The following WBP1L variants were observed in gnomAD, a reference collection of about 807,000 sequenced individuals.
The protein encoded by WBP1L is WW domain binding protein 1 like.
WBP1L carries 17 observed loss-of-function variants against 33.7 expected under a neutral mutation model. The ratio of observed to expected loss-of-function variants is 0.50; its 90% CI spans 0.34 to 0.76. The LOEUF is 0.76. Among genes scored for constraint, WBP1L ranks in the 30% least tolerant of loss-of-function variants. The pLI is 0.01. For synonymous variants in WBP1L, 173 were observed against 190.8 expected, an observed-to-expected ratio of 0.91 and a Z score of 0.77; for missense variants, 389 against 469.4, an observed-to-expected ratio of 0.83 and a Z score of 1.58.
intron 2 of WBP1L, among the ~76,000 whole-genome samples, chr10:102,808,514 C>T (rs763756599): frequency 8.2e-5 from 12 of 145,812 alleles, no homozygotes; most frequent in Non-Finnish European, 1.4e-4. Flanking sequence ...TGTTCCGCCA[C>T]CCTTCCCTGG....
At chr10:102,786,062 T>C (rs1843411282) in intron 1 of WBP1L, among the ~76,000 whole-genome samples, 2 of 152,330 alleles carry the variant, frequency 1.3e-5, no homozygotes, top group Middle Eastern at 3.4e-3. Flanking sequence ...AGGTTCCTAA[T>C]AGCAACACAG....
rs284854 is a variant in WBP1L at position 102,814,805 on chromosome 10, T to G, written c.*1474T>G. 76,522 of 152,266 alleles carry G rather than the reference T, an allele frequency of 0.5. 20,014 individuals carry two copies. The highest frequency in any genetic ancestry group is 0.59 in the Middle Eastern group (173 of 294). The allele number at this position is 152,266 out of a possible 1,614,324, so 9.4% of individuals were successfully genotyped here. On this transcript the variant is annotated 3_prime_UTR_variant, in exon 4 of 4. Coordinates refer to ENST00000448841, the MANE Select transcript of WBP1L (RefSeq NM_001083913.2). The stretch of plus-strand genomic sequence containing the variant: ...CACCCGGCCCTGTGCATATGAAGTC[T>G]TTCTTCCCCCAACTCTTGAACGATG...
At chr10:102,780,481 A>G (rs1392041781) in intron 1 of WBP1L, among the ~76,000 whole-genome samples, 4 of 152,188 alleles carry the variant, frequency 2.6e-5, no homozygotes, top group Non-Finnish European at 5.9e-5. Flanking sequence ...AACGAATTCT[A>G]TTTCATGTTT....
At chr10:102,771,487 G>A (rs934578488) in intron 1 of WBP1L, among the ~76,000 whole-genome samples, 3 of 151,992 alleles carry the variant, frequency 2.0e-5, no homozygotes, top group African/African-American at 7.2e-5. Context: ...GGGCAACATA[G>A]GAAGCCCTCA....
chr10:102,774,974 G>A (rs1465912773), intron 1 of WBP1L, among the ~76,000 whole-genome samples: 2 of 151,910 alleles, frequency 1.3e-5, no homozygotes, highest in Admixed American at 1.3e-4. Context: ...AATTAGCTGC[G>A]CATGGTAGCA....
At position 102,814,738 on chromosome 10, in the gene WBP1L, A is replaced by C. The variant is rs1843905490; in HGVS notation, c.*1407A>C. 6.6e-6 allele frequency: 1 copy of C among 152,194 alleles called. No homozygotes were observed. The highest frequency in any genetic ancestry group is 2.4e-5 in the African/African-American group (1 of 41,288). The allele number at this position is 152,194 out of a possible 1,614,324, so 9.4% of individuals were successfully genotyped here. On this transcript the variant is annotated 3_prime_UTR_variant, in exon 4 of 4. Transcript: ENST00000448841. Reference sequence around the variant, plus strand: ...GGTCACCAGCTGAGCTGCGATAGGAAAATCTGAATGGAGGCAGCAAACAGC... The same window carrying C: ...GGTCACCAGCTGAGCTGCGATAGGACAATCTGAATGGAGGCAGCAAACAGC...
chr10:102,752,510 A>G (rs1842934240), intron 1 of WBP1L, among the ~76,000 whole-genome samples: 1 of 152,200 alleles, frequency 6.6e-6, no homozygotes, highest in Non-Finnish European at 1.5e-5. Context: ...TTTGTGATTC[A>G]GTAAGCAGGT....
intron 1 of WBP1L, among the ~76,000 whole-genome samples, chr10:102,775,519 C>T (rs1744075321): frequency 6.6e-6 from 1 of 152,068 alleles, no homozygotes; most frequent in African/African-American, 2.4e-5. Flanking sequence ...TTGGAGGCTG[C>T]GGTGGGACTT....
rs540605009 is a variant in WBP1L, at chr10:102,773,872, AAAAAGG to A, written c.91-24118_91-24113del. 2.4e-3 allele frequency among the ~76,000 whole-genome samples: 358 copies of A among 152,214 alleles called. 1 individual carries two copies. Among genetic ancestry groups the A allele is most frequent in the African/African-American group, 8.1e-3 (335 of 41,542 alleles). On this transcript the variant is annotated intron_variant, in intron 1 of 3. Transcript: ENST00000448841. Reference sequence around the variant, plus strand: ...CTCTTAAAAAAACAAAACAAAAAAAAAAAAGGAAGGAAGAAAAATATGGAACACTTC... The same window carrying A: ...CTCTTAAAAAAACAAAACAAAAAAAAAAGGAAGAAAAATATGGAACACTTC...
intron 1 of WBP1L, among the ~76,000 whole-genome samples, chr10:102,791,155 T>G (rs1424233810): frequency 6.6e-6 from 1 of 152,174 alleles, no homozygotes; most frequent in African/African-American, 2.4e-5. Flanking sequence ...GGGCCCAAGA[T>G]CAACAAACTA....
At chr10:102,776,258 T>A in intron 1 of WBP1L, 5 of 1,592,548 alleles carry the variant, frequency 3.1e-6, no homozygotes, top group Non-Finnish European at 4.3e-6. Flanking sequence ...GTTTACTTTG[T>A]CTGCTTTGCT....
intron 1 of WBP1L, among the ~76,000 whole-genome samples, chr10:102,754,406 C>T (rs1217830458): frequency 6.6e-6 from 1 of 152,150 alleles, no homozygotes; most frequent in Non-Finnish European, 1.5e-5. Context: ...ATACCTTTCA[C>T]CTTTTTTTTG....
At chr10:102,759,980 C>T (rs1383154173) in intron 1 of WBP1L, among the ~76,000 whole-genome samples, 2 of 152,214 alleles carry the variant, frequency 1.3e-5, no homozygotes, top group Admixed American at 6.5e-5. Flanking sequence ...TACACCCCCA[C>T]CAGCAATGTA....
chr10:102,759,232 C>T (rs1336797501), intron 1 of WBP1L, among the ~76,000 whole-genome samples: 1 of 152,212 alleles, frequency 6.6e-6, no homozygotes, highest in Non-Finnish European at 1.5e-5. Context: ...AGCCCTCAAG[C>T]GGCCCTTATG....
intron 1 of WBP1L, among the ~76,000 whole-genome samples, chr10:102,788,546 A>C (rs1278349144): frequency 6.6e-6 from 1 of 152,230 alleles, no homozygotes; most frequent in African/African-American, 2.4e-5. Context: ...TGAAGATTCT[A>C]TCTAGGATAG....
intron 1 of WBP1L, among the ~76,000 whole-genome samples, chr10:102,779,751 C>T (rs974310227): frequency 6.6e-6 from 1 of 152,204 alleles, no homozygotes; most frequent in Non-Finnish European, 1.5e-5. Flanking sequence ...AATTACAAGC[C>T]AGCATGCTGA....
Position 102,788,437 on chromosome 10 carries a change from T to G in WBP1L, c.91-9556T>G, listed in dbSNP as rs376590376. Among the ~76,000 whole-genome samples, 4 of 151,968 alleles carry G rather than the reference T, an allele frequency of 2.6e-5. No homozygotes were observed. In the East Asian group the frequency reaches 5.8e-4, roughly 22 times the overall value. On this transcript the variant is annotated intron_variant, in intron 1 of 3. Transcript: ENST00000448841. ...TCTTAACTTTCTAATTGTAAAAATA[T>G]AGGTAAAAATATAGGTGAATACATG...
chr10:102,784,660 C>A (rs992890581), intron 1 of WBP1L, among the ~76,000 whole-genome samples: 12 of 151,938 alleles, frequency 7.9e-5, no homozygotes, highest in African/African-American at 2.9e-4. Flanking sequence ...CTCCTGATCT[C>A]GTGATCTGCC....
chr10:102,779,493 G>C (rs1564761274), intron 1 of WBP1L, among the ~76,000 whole-genome samples: 1 of 151,912 alleles, frequency 6.6e-6, no homozygotes, highest in Non-Finnish European at 1.5e-5. Context: ...TAGAGATGGG[G>C]TTTCACCATG....
Sources: allele counts gnomAD v4.1 joint callset (sites outside exome capture counted in the v4.1 genomes callset), GRCh38; gene constraint gnomAD v4.1.1; transcripts MANE v1.5; gene names NCBI Gene and HGNC (gene_info 2026-07-23, HGNC 2026-07-21).